The following ATP9A variants were observed in gnomAD, a reference collection of about 807,000 sequenced individuals.
ATP9A encodes ATPase phospholipid transporting 9A, also known as probable phospholipid-transporting ATPase IIA.
A neutral mutation model predicts 144.1 loss-of-function variants in ATP9A; 52 were observed. That is an observed-to-expected ratio of 0.36 (90% CI 0.29 to 0.45). The LOEUF (loss-of-function observed/expected upper bound fraction) is 0.45, where lower values mean the gene tolerates loss of function less well. Ranked by LOEUF, ATP9A falls within the 20% of genes least tolerant of loss-of-function variation. ATP9A has a pLI of 1.00. For synonymous variants in ATP9A, 582 were observed against 557.4 expected (o/e 1.04, Z -0.62); for missense variants, 947 against 1,392.7 (o/e 0.68, Z 5.09).
intron 7 of ATP9A, among the ~76,000 whole-genome samples, 189 bp downstream of exon 7, chr20:51,693,819 C>G (rs2077558656): frequency 6.6e-6 from 1 of 152,316 alleles, no homozygotes; most frequent in East Asian, 1.9e-4. Flanking sequence ...GAGCTCACTC[C>G]CTGCACTCGG....
At chr20:51,675,908 A>G (rs982437244) in intron 10 of ATP9A, among the ~76,000 whole-genome samples, 4 of 152,012 alleles carry the variant, frequency 2.6e-5, no homozygotes, top group South Asian at 2.1e-4. Flanking sequence ...AAAAGGCACA[A>G]AAAAGTCATA....
chr20:51,712,074 CTT>C (rs74175572), intron 4 of ATP9A, among the ~76,000 whole-genome samples: 15 of 98,782 alleles, frequency 1.5e-4, no homozygotes, highest in South Asian at 9.6e-4. Flanking sequence ...CCAGGCTGGT[CTT>C]TTTTTTTTTT....
rs374373741 is a variant in ATP9A at position 51,608,616 on chromosome 20, T to C, written c.2647A>G (p.Ile883Val). ...QGFLIIGYST[I>V]YTMFPVFSLV... ...GAAAACACAGGAAACATGGTGTAAATTGTGGAGTACCTGGGAGAGAAAACC... is the reference window on the plus strand; with the variant it reads ...GAAAACACAGGAAACATGGTGTAAACTGTGGAGTACCTGGGAGAGAAAACC... The change falls in exon 25 of 28, where the codon ATT becomes GTT. Residue 883 changes from isoleucine to valine, a missense_variant. By Grantham distance (29) the Ile-to-Val change is conservative. Around this residue, in one of 2 missense-constraint regions of ATP9A, gnomAD observed 177 missense variants for 344.9 expected, o/e 0.51. Coordinates refer to ENST00000338821, the MANE Select transcript of ATP9A (RefSeq NM_006045.3). 6.2e-7 allele frequency: 1 copy of C among 1,610,426 alleles called. No individual in the cohort carries two copies. Among genetic ancestry groups the C allele is most frequent in the East Asian group, 2.2e-5 (1 of 44,858 alleles).
chr20:51,734,803 G>C (rs6063705), intron 1 of ATP9A: 49,354 of 215,662 alleles, frequency 0.23, 6,079 homozygotes, highest in Non-Finnish European at 0.26. Context: ...AAGGCCCTGA[G>C]TGCACACGCC....
Position 51,751,806 on chromosome 20 carries a change from T to G in ATP9A, c.68+16496A>C, listed in dbSNP as rs1398197758. Among the ~76,000 whole-genome samples the G allele has an allele frequency of 5.9e-5, 9 of 152,198 alleles. 1 individual carries two copies. The East Asian group carries it at 1.7e-3, about 30-fold the overall frequency. ...GGTTTCACCGTGTTAGCCAGGATGG[T>G]CTCGATCTCCTGACCTCGTGATCCG... On this transcript the variant is annotated intron_variant, in intron 1 of 27. Coordinates refer to ENST00000338821, the MANE Select transcript of ATP9A (RefSeq NM_006045.3).
rs2077208399 is a variant in ATP9A, at chr20:51,617,562, C to G, written c.2351-8G>C. On this transcript the variant is annotated splice_polypyrimidine_tract_variant and splice_region_variant and intron_variant, in intron 21 of 27. Transcript: ENST00000338821. Reference sequence around the variant, plus strand: ...CGTCATTGCCTCCGTCCCCTGCGAGCCACACAGACCAGAGAGAAAAGATGT... The same window carrying G: ...CGTCATTGCCTCCGTCCCCTGCGAGGCACACAGACCAGAGAGAAAAGATGT... 14 of 1,610,680 alleles carry G rather than the reference C, an allele frequency of 8.7e-6. No homozygotes were observed. Among genetic ancestry groups the G allele is most frequent in the Non-Finnish European group, 1.2e-5 (14 of 1,178,550 alleles).
chr20:51,649,018 G>A (rs2122759507), intron 14 of ATP9A, among the ~76,000 whole-genome samples: 1 of 152,010 alleles, frequency 6.6e-6, no homozygotes, highest in South Asian at 2.1e-4. Flanking sequence ...GGCAGAAAAA[G>A]GCTTATTTTC....
At chr20:51,755,987 T>G (rs745729918) in intron 1 of ATP9A, among the ~76,000 whole-genome samples, 11 of 152,086 alleles carry the variant, frequency 7.2e-5, no homozygotes, top group Admixed American at 2.6e-4. Context: ...AGCTGCACTA[T>G]TCATGACATT....
At chr20:51,678,804 C>A (rs2077487988) in intron 9 of ATP9A, among the ~76,000 whole-genome samples, 1 of 152,216 alleles carries the variant, frequency 6.6e-6, no homozygotes, top group African/African-American at 2.4e-5. Flanking sequence ...GCCTGGCTAA[C>A]CTCGATGCCA....
intron 25 of ATP9A, among the ~76,000 whole-genome samples, chr20:51,607,936 C>T (rs1292039263): frequency 6.7e-6 from 1 of 150,210 alleles, no homozygotes; most frequent in Non-Finnish European, 1.5e-5. Context: ...CCCAGCTACT[C>T]GGGAGGCTGA....
In ATP9A at chr20:51,766,089, G is replaced by A. The variant is rs150131088; in HGVS notation, c.68+2213C>T. Among the ~76,000 whole-genome samples the A allele has an allele frequency of 2.6e-3, 397 of 152,192 alleles. 4 individuals carry two copies. Among genetic ancestry groups the A allele is most frequent in the African/African-American group, 9.2e-3 (383 of 41,522 alleles). On this transcript the variant is annotated intron_variant, in intron 1 of 27. Transcript: ENST00000338821. ...CTCCCTCTGGCTCTCCATATGAACG[G>A]CTCATGTTTCTATCACGCTAATGAT...
intron 1 of ATP9A, among the ~76,000 whole-genome samples, chr20:51,761,928 C>T (rs6021422): frequency 0.63 from 96,272 of 151,860 alleles, 31,221 homozygotes; most frequent in African/African-American, 0.75. Context: ...TTCCTTAACT[C>T]TTCCAACTTC....
intron 12 of ATP9A, among the ~76,000 whole-genome samples, chr20:51,670,333 C>A (rs1180258069): frequency 1.3e-5 from 2 of 152,192 alleles, no homozygotes; most frequent in Non-Finnish European, 1.5e-5. Context: ...CCACACCATG[C>A]CCATTACCTA....
chr20:51,683,116 G>A (rs913234559), intron 9 of ATP9A, among the ~76,000 whole-genome samples: 1 of 151,690 alleles, frequency 6.6e-6, no homozygotes, highest in Non-Finnish European at 1.5e-5. Flanking sequence ...AATAAACAGC[G>A]TCTTTCTCTG....
chr20:51,658,818 C>A lies in ATP9A; in HGVS notation c.1294-1668G>T, dbSNP rs1035976734. Among the ~76,000 whole-genome samples, 3 of 147,578 alleles carry A rather than the reference C, an allele frequency of 2.0e-5. No homozygotes were observed. In the East Asian group the frequency reaches 6.2e-4, roughly 30 times the overall value. On this transcript the variant is annotated intron_variant, in intron 13 of 27. Transcript: ENST00000338821. ...TACAGGTGTGAGCCACCGTGCCCGA[C>A]CCCCACCTAGGCTTCCTTTGAAGAA...
intron 1 of ATP9A, among the ~76,000 whole-genome samples, chr20:51,747,098 GT>G (rs11467381): frequency 0.042 from 5,879 of 138,640 alleles, 136 homozygotes; most frequent in African/African-American, 0.06. Context: ...TGGGTTTTTC[GT>G]TTTTTTTTTT....
Position 51,674,140 on chromosome 20 carries a change from G to A in ATP9A, c.1037+13C>T, listed in dbSNP as rs750705522. On this transcript the variant is annotated intron_variant, in intron 11 of 27. Transcript: ENST00000338821. ...TGTCACGGCAGCCAAACTCAAGCTC[G>A]TCGCCTGCTTACCTAATGGGGATGA... The A allele has an allele frequency of 3.8e-5, 62 of 1,612,660 alleles. No individual in the cohort carries two copies. The East Asian group carries it at 9.1e-4, about 24-fold the overall frequency.
intron 1 of ATP9A, among the ~76,000 whole-genome samples, chr20:51,759,162 C>T (rs967972752): frequency 9.2e-5 from 14 of 152,320 alleles, no homozygotes; most frequent in Admixed American, 8.5e-4. Flanking sequence ...GAGAGCACAG[C>T]CCCATGGGCC....
chr20:51,625,514 G>T, intron 17 of ATP9A, 152 bp from the exon 18 acceptor site: 1 of 792,802 alleles, frequency 1.3e-6, no homozygotes, highest in Non-Finnish European at 1.9e-6. Context: ...GGTGACATAG[G>T]CTTCCAGCTT....
Sources: gnomAD v4.1 joint callset for allele counts (sites outside exome capture counted in the v4.1 genomes callset) on GRCh38, gnomAD v4.1.1 for gene constraint, gnomAD v4.1.1 regional missense constraint, MANE v1.5 for transcripts, NCBI Gene and HGNC (gene_info 2026-07-23, HGNC 2026-07-21) for gene names.